F13A1: variants seen among roughly 807,000 people sequenced by gnomAD.
The protein encoded by F13A1 is FSF, A subunit.
In F13A1, 47 loss-of-function variants were observed where a neutral mutation model predicts 80.1. The observed-to-expected ratio is 0.59, with a 90% confidence interval of 0.46 to 0.75. The LOEUF (loss-of-function observed/expected upper bound fraction) is 0.75. Among genes scored for constraint, F13A1 ranks in the 30% least tolerant of loss-of-function variants. F13A1 has a pLI of 0.00. For synonymous variants in F13A1, 349 were observed against 344.9 expected, an observed-to-expected ratio of 1.01 and a Z score of -0.13; for missense variants, 817 against 930.4, an observed-to-expected ratio of 0.88 and a Z score of 1.59.
At chr6:6,161,698 T>G (rs961162202) in intron 13 of F13A1, among the ~76,000 whole-genome samples, 1 of 152,200 alleles carries the variant, frequency 6.6e-6, no homozygotes, top group Non-Finnish European at 1.5e-5. Context: ...TAAAGTTTAA[T>G]GACTGTCTCT....
At chr6:6,300,472 A>T (rs1758409975) in intron 3 of F13A1, among the ~76,000 whole-genome samples, 1 of 152,096 alleles carries the variant, frequency 6.6e-6, no homozygotes, top group Admixed American at 6.5e-5. Context: ...CTGTCGGAAA[A>T]GTGCAGTATT....
intron 10 of F13A1, among the ~76,000 whole-genome samples, chr6:6,183,516 C>T (rs529039125): frequency 3.9e-5 from 6 of 152,288 alleles, no homozygotes; most frequent in South Asian, 2.1e-4. Flanking sequence ...CAAAAATAGA[C>T]GCCTGATTAA....
intron 11 of F13A1, among the ~76,000 whole-genome samples, chr6:6,179,485 C>T (rs1226094824): frequency 1.3e-5 from 2 of 152,094 alleles, no homozygotes; most frequent in Non-Finnish European, 2.9e-5. Context: ...AGAGATTCAA[C>T]GGTGAGAATC....
At chr6:6,262,685 T>G (rs1156333680) in intron 4 of F13A1, among the ~76,000 whole-genome samples, 5 of 149,706 alleles carry the variant, frequency 3.3e-5, no homozygotes, top group African/African-American at 1.2e-4. Context: ...TCTCAACACA[T>G]GACTTTGCTT....
intron 3 of F13A1, among the ~76,000 whole-genome samples, chr6:6,283,478 A>G (rs1196937485): frequency 6.6e-6 from 1 of 152,220 alleles, no homozygotes; most frequent in Non-Finnish European, 1.5e-5. Context: ...AGTACACACT[A>G]AAGTATTCAG....
At chr6:6,308,213 G>A (rs1021719490) in intron 2 of F13A1, among the ~76,000 whole-genome samples, 1 of 151,916 alleles carries the variant, frequency 6.6e-6, no homozygotes, top group Non-Finnish European at 1.5e-5. Context: ...TAATAGAGAC[G>A]GGGTTTCACC....
At chr6:6,190,802 G>T (rs1761175420) in intron 10 of F13A1, among the ~76,000 whole-genome samples, 1 of 152,118 alleles carries the variant, frequency 6.6e-6, no homozygotes, top group Non-Finnish European at 1.5e-5. Context: ...CCTGGGCAAT[G>T]GTGGGCGCCC....
intron 2 of F13A1, among the ~76,000 whole-genome samples, chr6:6,313,501 C>G (rs1758636670): frequency 6.6e-6 from 1 of 152,042 alleles, no homozygotes; most frequent in African/African-American, 2.4e-5. Flanking sequence ...TATTGTCTCC[C>G]TAGGTTGTAA....
chr6:6,190,717 G>C (rs1356080142), intron 10 of F13A1, among the ~76,000 whole-genome samples: 2 of 151,962 alleles, frequency 1.3e-5, no homozygotes, highest in Non-Finnish European at 2.9e-5. Flanking sequence ...GCCTACAGAG[G>C]CAGGCAGGCC....
At chr6:6,294,114 G>C (rs1477914254) in intron 3 of F13A1, among the ~76,000 whole-genome samples, 1 of 136,274 alleles carries the variant, frequency 7.3e-6, no homozygotes, top group African/African-American at 3.5e-5. Flanking sequence ...TAAAAAAAAA[G>C]TTTTTTTAAG....
chr6:6,235,740 T>C (rs1757405112), intron 6 of F13A1, among the ~76,000 whole-genome samples: 1 of 152,084 alleles, frequency 6.6e-6, no homozygotes, highest in Admixed American at 6.6e-5. Flanking sequence ...TCTTAAAAAT[T>C]AAACCTATGT....
In F13A1 at chr6:6,145,531, C is replaced by T. The variant is rs1284806235; in HGVS notation, c.*88G>A. The T allele has an allele frequency of 5.0e-5, 79 of 1,574,562 alleles. 1 individual carries two copies. In the South Asian group the frequency reaches 8.5e-4, roughly 17 times the overall value. ...CCTGTCTGGGTCTTCACACCTAAGT[C>T]AAAGCAAGAGCTATTTTTGCGTTAG... On this transcript the variant is annotated 3_prime_UTR_variant, in exon 15 of 15. Transcript: ENST00000264870.
rs566536056 is a variant in F13A1 at position 6,280,194 on chromosome 6, G to A, written c.320-13385C>T. ...AGATGTTTACTAGTGCTTATGATGA[G>A]CAGAGTGATACCACTTAATCTGGAG... On this transcript the variant is annotated intron_variant, in intron 3 of 14. Transcript: ENST00000264870. Among the ~76,000 whole-genome samples, 4 of 152,290 alleles carry A rather than the reference G, an allele frequency of 2.6e-5. No homozygotes were observed. In the South Asian group the frequency reaches 8.3e-4, roughly 32 times the overall value.
chr6:6,203,258 A>C (rs956431270), intron 8 of F13A1, among the ~76,000 whole-genome samples: 6 of 152,216 alleles, frequency 3.9e-5, no homozygotes, highest in African/African-American at 1.4e-4. Flanking sequence ...AATTTTGTAT[A>C]ATTTTCTCCC....
At chr6:6,249,432 T>C (rs564986867) in intron 5 of F13A1, among the ~76,000 whole-genome samples, 1 of 152,332 alleles carries the variant, frequency 6.6e-6, no homozygotes, top group Non-Finnish European at 1.5e-5. Context: ...AAGGAAATAG[T>C]CATAGAACGG....
At chr6:6,182,231 C>T (rs1247290892) in intron 10 of F13A1, 90 bp from the exon 11 acceptor site, 1 of 1,422,448 alleles carries the variant, frequency 7.0e-7, no homozygotes, top group Non-Finnish European at 9.8e-7. Context: ...GTCTAGAGAT[C>T]TCTGGAGCTG....
At chr6:6,304,308 T>C (rs957612231) in intron 3 of F13A1, among the ~76,000 whole-genome samples, 1 of 152,166 alleles carries the variant, frequency 6.6e-6, no homozygotes, top group African/African-American at 2.4e-5. Context: ...GCTGATTTGA[T>C]TGCCTAATTT....
intron 3 of F13A1, among the ~76,000 whole-genome samples, chr6:6,297,230 C>T (rs977743430): frequency 3.9e-5 from 6 of 151,942 alleles, no homozygotes; most frequent in Non-Finnish European, 5.9e-5. Flanking sequence ...TGTCTCTGCC[C>T]GGCTTTGGTA....
At chr6:6,151,245 G>T (rs1389867850) in intron 14 of F13A1, among the ~76,000 whole-genome samples, 1 of 151,756 alleles carries the variant, frequency 6.6e-6, no homozygotes, top group African/African-American at 2.4e-5. Flanking sequence ...CCCCTGAATG[G>T]GGAACCATCT....
Sources: allele counts gnomAD v4.1 joint callset (sites outside exome capture counted in the v4.1 genomes callset), GRCh38; gene constraint gnomAD v4.1.1; transcripts MANE v1.5; gene names NCBI Gene and HGNC (gene_info 2026-07-23, HGNC 2026-07-21).